Variants in LCK observed in about 807,000 individuals in gnomAD.
The protein encoded by LCK is LCK proto-oncogene, Src family tyrosine kinase.
In LCK, 14 loss-of-function variants were observed where a neutral mutation model predicts 64.6. The ratio of observed to expected loss-of-function variants is 0.22; its 90% CI spans 0.14 to 0.34. The LOEUF (loss-of-function observed/expected upper bound fraction) is 0.34. Ranked by LOEUF, LCK falls within the 10% of genes least tolerant of loss-of-function variation. The probability of loss-of-function intolerance (pLI) is 1.00; values close to 1 mark genes in which losing one functional copy is unlikely to be tolerated. For missense variants in LCK, 434 were observed against 668.1 expected, an observed-to-expected ratio of 0.65 and a Z score of 3.86; for synonymous variants, 277 against 263.6, an observed-to-expected ratio of 1.05 and a Z score of -0.49.
chr1:32,283,288 C>CAAAAAA (rs888361880), intron 12 of LCK, among the ~76,000 whole-genome samples: 1 of 53,732 alleles, frequency 1.9e-5, no homozygotes, highest in African/African-American at 6.7e-5. Context: ...GACTCTGTCT[C>CAAAAAA]AAAAAAAAAA....
chr1:32,267,699 C>T (rs1232762771), intron 1 of LCK, among the ~76,000 whole-genome samples: 2 of 149,292 alleles, frequency 1.3e-5, no homozygotes, highest in African/African-American at 5.0e-5. Context: ...AGATTGAGAC[C>T]AGCCTGACCA....
At chr1:32,282,848 GAATA>G (rs1349167454) in intron 12 of LCK, among the ~76,000 whole-genome samples, 3 of 151,668 alleles carry the variant, frequency 2.0e-5, no homozygotes, top group Admixed American at 6.6e-5. Flanking sequence ...TTAATTAAAT[GAATA>G]AATAAATAAA....
chr1:32,275,662 G>T lies in LCK; in HGVS notation c.471G>T (p.Glu157Asp). Residue 157 changes from glutamate (E) to aspartate (D), a missense_variant, in exon 6 of 13, where the codon GAG becomes GAT. Physicochemically the swap from Glu to Asp is conservative, Grantham distance 45. Coordinates refer to ENST00000336890, the MANE Select transcript of LCK (RefSeq NM_005356.5). This position sits in a 1 kb window ranked among gnomAD's most constrained non-coding sequence, Gnocchi z 6.9. ...THGSFLIRES[E>D]STAGSFSLSV... ...GCTCCTTCCTCATCCGGGAGAGCGA[G>T]AGCACCGCGGGTGAGCGGGCGGCGG... 1 of 1,563,862 alleles carries T rather than the reference G, an allele frequency of 6.4e-7. No individual in the cohort carries two copies. The highest frequency in any genetic ancestry group is 8.7e-7 in the Non-Finnish European group (1 of 1,155,790).
At chr1:32,253,098 G>A (rs1250318882) in intron 1 of LCK, among the ~76,000 whole-genome samples, 1 of 152,178 alleles carries the variant, frequency 6.6e-6, no homozygotes, top group Non-Finnish European at 1.5e-5. Context: ...GGGCACGGTG[G>A]CTCACACCTG....
intron 12 of LCK, among the ~76,000 whole-genome samples, chr1:32,283,153 G>T (rs1201015594): frequency 1.3e-5 from 2 of 151,958 alleles, no homozygotes; most frequent in Non-Finnish European, 2.9e-5. Flanking sequence ...ACCGGGTGTG[G>T]TGGCATGCAC....
chr1:32,263,544 C>G (rs1569918639), intron 1 of LCK, among the ~76,000 whole-genome samples: 1 of 151,916 alleles, frequency 6.6e-6, no homozygotes, highest in South Asian at 2.1e-4. Flanking sequence ...TGAGACCAGC[C>G]TGGGCAACAT....
In LCK at chr1:32,272,956, T is replaced by C. The variant is rs138455109; in HGVS notation, c.-5-1369T>C. Among the ~76,000 whole-genome samples, 560 of 140,270 alleles carry C rather than the reference T, an allele frequency of 4.0e-3. 5 individuals carry two copies. Among genetic ancestry groups the C allele is most frequent in the South Asian group, 0.019 (79 of 4,228 alleles). 92.0% of individuals were successfully genotyped at this position (140,270 alleles called of 152,430 possible). ...TGTGTGTTGGGGAGGGGAGAATGTGTGTGTGTGGGGTGAGTGCGTGTGTGT... is the reference window on the plus strand; with the variant it reads ...TGTGTGTTGGGGAGGGGAGAATGTGCGTGTGTGGGGTGAGTGCGTGTGTGT... On this transcript the variant is annotated intron_variant, in intron 1 of 12. Transcript: ENST00000336890.
At chr1:32,263,259 G>T (rs1360452353) in intron 1 of LCK, among the ~76,000 whole-genome samples, 1 of 151,934 alleles carries the variant, frequency 6.6e-6, no homozygotes, top group African/African-American at 2.4e-5. Flanking sequence ...GGGCATGGTG[G>T]TGCATGCCTG....
chr1:32,271,270 C>T (rs537694396), intron 1 of LCK, among the ~76,000 whole-genome samples: 7 of 151,046 alleles, frequency 4.6e-5, no homozygotes, highest in African/African-American at 1.7e-4. Flanking sequence ...CCCAAAGTGC[C>T]GCGATTACAG....
intron 1 of LCK, among the ~76,000 whole-genome samples, chr1:32,252,619 T>C (rs1639534569): frequency 6.6e-6 from 1 of 152,132 alleles, no homozygotes; most frequent in South Asian, 2.1e-4. Context: ...GCATGAGCAG[T>C]TCCTTCCACC....
chr1:32,252,502 C>T (rs757724996), intron 1 of LCK, among the ~76,000 whole-genome samples: 8 of 152,180 alleles, frequency 5.3e-5, no homozygotes, highest in Non-Finnish European at 1.0e-4. Context: ...GTCAGCTGGT[C>T]CCAGCCTTTC....
Position 32,279,867 on chromosome 1 carries a change from A to G in LCK, c.1068A>G (p.Glu356=), listed in dbSNP as rs1182315343. The change falls in exon 11 of 13, where the codon GAA becomes GAG. Residue 356 remains glutamate, a synonymous_variant. Transcript: ENST00000336890. ...AQIAEGMAFI[E]ERNYIHRDLR... is the part of the protein sequence containing the mutation. Reference sequence around the variant, plus strand: ...TTGCAGAAGGCATGGCATTCATTGAAGAGCGGAATTATATTCATCGTGACC... The same window carrying G: ...TTGCAGAAGGCATGGCATTCATTGAGGAGCGGAATTATATTCATCGTGACC... The G allele has an allele frequency of 1.2e-6, 2 of 1,614,092 alleles. No homozygotes were observed. Among genetic ancestry groups the G allele is most frequent in the Non-Finnish European group, 1.7e-6 (2 of 1,180,044 alleles).
chr1:32,273,571 G>A (rs935216773), intron 1 of LCK, among the ~76,000 whole-genome samples: 3 of 151,986 alleles, frequency 2.0e-5, no homozygotes, highest in South Asian at 2.1e-4. Flanking sequence ...GGGACTCCGG[G>A]GGCTTCAAAG....
At chr1:32,272,326 T>G (rs976158302) in intron 1 of LCK, among the ~76,000 whole-genome samples, 6 of 151,826 alleles carry the variant, frequency 4.0e-5, no homozygotes, top group African/African-American at 1.5e-4. Context: ...CGGTGGTGCA[T>G]GCCTATAATC....
At chr1:32,264,920 G>T (rs1351705477) in intron 1 of LCK, among the ~76,000 whole-genome samples, 1 of 152,004 alleles carries the variant, frequency 6.6e-6, no homozygotes, top group African/African-American at 2.4e-5. Context: ...TTTAATCAAA[G>T]ATTTGGCTGG....
intron 1 of LCK, among the ~76,000 whole-genome samples, chr1:32,272,613 GAGAGAGAGAA>G (rs1640112095): frequency 1.3e-5 from 2 of 148,574 alleles, no homozygotes; most frequent in Non-Finnish European, 3.0e-5. Flanking sequence ...GAAAGAGAGA[GAGAGAGAGAA>G]AGAGAGAGAG....
At chr1:32,284,262 A>G (rs1369450203) in intron 12 of LCK, among the ~76,000 whole-genome samples, 1 of 148,996 alleles carries the variant, frequency 6.7e-6, no homozygotes, top group African/African-American at 2.5e-5. Context: ...ATATATATAT[A>G]TATATATATC....
intron 1 of LCK, among the ~76,000 whole-genome samples, chr1:32,271,019 G>A (rs1213172785): frequency 1.5e-5 from 1 of 65,472 alleles, no homozygotes; most frequent in Non-Finnish European, 2.8e-5. Flanking sequence ...TTTTTTTTTT[G>A]AGACAGGCTC....
chr1:32,275,681 G>T lies in LCK; in HGVS notation c.481+9G>T. ...GAGCGAGAGCACCGCGGGTGAGCGG[G>T]CGGCGGTCTCGACCGGGCGCGGGGG... On this transcript the variant is annotated intron_variant, in intron 6 of 12. Coordinates refer to ENST00000336890, the MANE Select transcript of LCK (RefSeq NM_005356.5). The surrounding 1 kb of genome is among the most constrained non-coding windows in gnomAD (Gnocchi z 6.9). 6.4e-7 allele frequency: 1 copy of T among 1,555,836 alleles called. No individual in the cohort carries two copies. The highest frequency in any genetic ancestry group is 2.4e-5 in the East Asian group (1 of 41,930).
Sources: gnomAD v4.1 joint callset for allele counts (sites outside exome capture counted in the v4.1 genomes callset) on GRCh38, gnomAD v4.1.1 for gene constraint, Gnocchi (gnomAD v3.1) non-coding constraint, MANE v1.5 for transcripts, NCBI Gene and HGNC (gene_info 2026-07-23, HGNC 2026-07-21) for gene names.